Variants in TRERF1 observed in about 807,000 individuals in gnomAD.
TRERF1 encodes the protein transcriptional-regulating factor 1.
TRERF1 carries 27 observed loss-of-function variants against 122.9 expected under a neutral mutation model. That is an observed-to-expected ratio of 0.22 (90% CI 0.16 to 0.30). The LOEUF (loss-of-function observed/expected upper bound fraction) is 0.30, where lower values mean the gene tolerates loss of function less well. Among genes scored for constraint, TRERF1 ranks in the 10% least tolerant of loss-of-function variants. The pLI is 1.00. For synonymous variants in TRERF1, 636 were observed against 641.7 expected (o/e 0.99, Z 0.13); for missense variants, 1,248 against 1,560.3 (o/e 0.80, Z 3.37).
chr6:42,246,263 C>G (rs1315360058), intron 14 of TRERF1, among the ~76,000 whole-genome samples, 193 bp downstream of exon 14: 1 of 152,134 alleles, frequency 6.6e-6, no homozygotes, highest in African/African-American at 2.4e-5. Context: ...GCCTTCTTTC[C>G]CCTGTCCTCT....
chr6:42,434,937 G>C (rs988731234), intron 2 of TRERF1, among the ~76,000 whole-genome samples: 3 of 151,866 alleles, frequency 2.0e-5, no homozygotes, highest in Non-Finnish European at 4.4e-5. Flanking sequence ...AGACCAGCCT[G>C]GCCAACATGG....
chr6:42,277,974 A>AGAAGAAG (rs1161319382), intron 4 of TRERF1, among the ~76,000 whole-genome samples: 5 of 147,002 alleles, frequency 3.4e-5, no homozygotes, highest in Non-Finnish European at 7.5e-5. Context: ...AAGAAGAAGA[A>AGAAGAAG]GACTGCAATA....
intron 4 of TRERF1, among the ~76,000 whole-genome samples, chr6:42,273,479 C>T (rs1487336332): frequency 3.3e-5 from 5 of 152,136 alleles, no homozygotes; most frequent in African/African-American, 1.2e-4. Context: ...TCAAGAAGTT[C>T]TTACGTTCTC....
intron 17 of TRERF1, among the ~76,000 whole-genome samples, chr6:42,231,014 A>G (rs1770442710): frequency 6.6e-6 from 1 of 152,240 alleles, no homozygotes; most frequent in South Asian, 2.1e-4. Context: ...TATTTTAAAG[A>G]TTAATCAGTA....
At chr6:42,408,295 A>ATATATACATACACATGTGTG in intron 2 of TRERF1, among the ~76,000 whole-genome samples, 4 of 109,796 alleles carry the variant, frequency 3.6e-5, no homozygotes, top group African/African-American at 1.5e-4. Flanking sequence ...ATGTGTGTGT[A>ATATATACATACACATGTGTG]TGTATATATA....
intron 4 of TRERF1, among the ~76,000 whole-genome samples, chr6:42,270,925 G>A (rs931105626): frequency 4.0e-5 from 6 of 151,460 alleles, no homozygotes; most frequent in Non-Finnish European, 8.8e-5. Context: ...GGTGCCCGCC[G>A]CCAAGCCCAA....
At position 42,263,598 on chromosome 6, in the gene TRERF1, G is replaced by T; in HGVS notation, c.1636-30C>A. On this transcript the variant is annotated intron_variant, in intron 7 of 17. Transcript: ENST00000372922. This position sits in a 1 kb window ranked among gnomAD's most constrained non-coding sequence, Gnocchi z 5.6. ...ACAGACAATAAAGGCTTTGATCCTG[G>T]GCTGAGAGCAGCTCTCACAAGGGGG... 2 of 1,467,598 alleles carry T rather than the reference G, an allele frequency of 1.4e-6. No individual in the cohort carries two copies. The highest frequency in any genetic ancestry group is 1.8e-6 in the Non-Finnish European group (2 of 1,105,516). The allele number at this position is 1,467,598 out of a possible 1,614,324, so 90.9% of individuals were successfully genotyped here.
intron 2 of TRERF1, among the ~76,000 whole-genome samples, chr6:42,403,506 A>C (rs572879074): frequency 2.0e-5 from 3 of 152,216 alleles, no homozygotes; most frequent in Non-Finnish European, 4.4e-5. Flanking sequence ...ACCAGGAGCC[A>C]GGAGAGAGGC....
At chr6:42,240,254 T>G (rs531756784) in intron 15 of TRERF1, among the ~76,000 whole-genome samples, 4 of 152,308 alleles carry the variant, frequency 2.6e-5, no homozygotes, top group Admixed American at 1.3e-4. Context: ...TTAACAAACA[T>G]TTATTGAGTG....
chr6:42,412,229 G>A (rs945332792), intron 2 of TRERF1, among the ~76,000 whole-genome samples: 2 of 152,106 alleles, frequency 1.3e-5, no homozygotes, highest in Non-Finnish European at 2.9e-5. Context: ...TCGAACTCCC[G>A]ACCTCAGATG....
chr6:42,361,980 C>G lies in TRERF1; in HGVS notation c.-371+1017G>C, dbSNP rs553710124. The stretch of plus-strand genomic sequence containing the variant: ...CTGTAGGTTGATTGCATTCCTCTAC[C>G]AGGGACACCTCTCCAGCTCCTGTTT... On this transcript the variant is annotated intron_variant, in intron 3 of 17. Coordinates refer to ENST00000372922, the Ensembl canonical transcript of TRERF1. Among the ~76,000 whole-genome samples the G allele has an allele frequency of 2.3e-3, 357 of 152,292 alleles. 1 individual carries two copies. The highest frequency in any genetic ancestry group is 7.9e-3 in the African/African-American group (329 of 41,550).
At chr6:42,225,496 T>C (rs2149440000) in exon 18 of TRERF1, 1 of 152,158 alleles carries the variant, frequency 6.6e-6, no homozygotes, top group African/African-American at 2.4e-5. Flanking sequence ...AGAAAAATTA[T>C]GAATATGCTA....
At chr6:42,327,083 A>C (rs1252722199) in intron 3 of TRERF1, among the ~76,000 whole-genome samples, 2 of 152,210 alleles carry the variant, frequency 1.3e-5, no homozygotes, top group Admixed American at 1.3e-4. Context: ...GCCCACAAGT[A>C]AGGGCGGGAG....
chr6:42,364,160 T>G (rs576746927), intron 2 of TRERF1, among the ~76,000 whole-genome samples: 1 of 152,318 alleles, frequency 6.6e-6, no homozygotes, highest in Admixed American at 6.5e-5. Flanking sequence ...CCTTCCTCCA[T>G]TTCCTCCAGC....
At chr6:42,446,395 G>A (rs1169922856) in intron 2 of TRERF1, among the ~76,000 whole-genome samples, 2 of 152,146 alleles carry the variant, frequency 1.3e-5, no homozygotes, top group East Asian at 1.9e-4. Context: ...TGCTTCATGT[G>A]CTGTCTCCCC....
At chr6:42,389,409 C>T (rs572603020) in intron 2 of TRERF1, among the ~76,000 whole-genome samples, 3 of 152,318 alleles carry the variant, frequency 2.0e-5, no homozygotes, top group South Asian at 2.1e-4. Flanking sequence ...ACGTGAGAGA[C>T]GCAGGCTGTG....
At chr6:42,436,209 A>T (rs1280168610) in intron 2 of TRERF1, among the ~76,000 whole-genome samples, 1 of 151,470 alleles carries the variant, frequency 6.6e-6, no homozygotes, top group Non-Finnish European at 1.5e-5. Flanking sequence ...TCTACTAAAA[A>T]TACAAAAAAA....
chr6:42,360,043 A>G (rs1203462062), intron 3 of TRERF1, among the ~76,000 whole-genome samples: 3 of 152,262 alleles, frequency 2.0e-5, no homozygotes, highest in African/African-American at 7.2e-5. Flanking sequence ...TCAGCAGCAG[A>G]TAATATATTT....
chr6:42,251,422 TG>T (rs1554129314), intron 13 of TRERF1, among the ~76,000 whole-genome samples: 1 of 152,134 alleles, frequency 6.6e-6, no homozygotes, highest in African/African-American at 2.4e-5. Context: ...AGTAATTTTT[TG>T]GGGGGTGCAA....
Sources: allele counts gnomAD v4.1 joint callset (sites outside exome capture counted in the v4.1 genomes callset), GRCh38; gene constraint gnomAD v4.1.1; non-coding constraint Gnocchi (gnomAD v3.1); transcripts MANE v1.5; gene names NCBI Gene and HGNC (gene_info 2026-07-23, HGNC 2026-07-21).